The following KCNH1 variants were observed in gnomAD, a reference collection of about 807,000 sequenced individuals.
KCNH1 encodes the protein voltage-gated delayed rectifier potassium channel KCNH1.
Under a neutral mutation model 69.2 loss-of-function variants are expected in KCNH1, and 27 were observed. The observed-to-expected ratio is 0.39, with a 90% CI of 0.29 to 0.54. The LOEUF (loss-of-function observed/expected upper bound fraction) is 0.54. KCNH1 is among the 20% of genes least tolerant of loss of function. KCNH1 has a pLI of 0.68. For synonymous variants in KCNH1, 456 were observed against 487.7 expected (o/e 0.93, Z 0.86); for missense variants, 798 against 1,261.6 (o/e 0.63, Z 5.57).
At chr1:210,791,208 A>C (rs949296632) in intron 9 of KCNH1, among the ~76,000 whole-genome samples, 1 of 152,194 alleles carries the variant, frequency 6.6e-6, no homozygotes, top group African/African-American at 2.4e-5. Context: ...TCTCCCACTC[A>C]GTGCATCCCT....
intron 7 of KCNH1, among the ~76,000 whole-genome samples, chr1:210,906,541 A>G (rs1469598145): frequency 6.6e-6 from 1 of 152,244 alleles, no homozygotes; most frequent in African/African-American, 2.4e-5. Flanking sequence ...GCAGTATCCC[A>G]GAAAAACTGA....
At position 210,678,998 on chromosome 1, in the gene KCNH1, C is replaced by T. The variant is rs756516239; in HGVS notation, c.*4283G>A. ...ATATGCTTGCATGAGAATGAAGTTT[C>T]ACTTGAATTTAAGCTGCAGATAAAT... On this transcript the variant is annotated 3_prime_UTR_variant, in exon 11 of 11. Transcript: ENST00000271751. 3.9e-5 allele frequency: 6 copies of T among 152,226 alleles called. No individual in the cohort carries two copies. Among genetic ancestry groups the T allele is most frequent in the Non-Finnish European group, 8.8e-5 (6 of 68,038 alleles). The allele number at this position is 152,226 out of a possible 1,614,324, so 9.4% of individuals were successfully genotyped here.
At chr1:210,931,276 A>G (rs1232284054) in intron 6 of KCNH1, among the ~76,000 whole-genome samples, 14 of 152,234 alleles carry the variant, frequency 9.2e-5, no homozygotes, top group Admixed American at 9.2e-4. Context: ...AATGTGCGTC[A>G]ATCAACAAGT....
intron 7 of KCNH1, among the ~76,000 whole-genome samples, chr1:210,821,088 A>G (rs1684918804): frequency 6.6e-6 from 1 of 152,226 alleles, no homozygotes; most frequent in African/African-American, 2.4e-5. Context: ...TGGGTAATGA[A>G]AAATGATCTG....
At chr1:210,834,074 T>A (rs1685227060) in intron 7 of KCNH1, among the ~76,000 whole-genome samples, 2 of 152,140 alleles carry the variant, frequency 1.3e-5, no homozygotes, top group Non-Finnish European at 1.5e-5. Flanking sequence ...GGAACACTTT[T>A]ACACTGTTGG....
At chr1:211,058,592 CATACA>C (rs746661119) in intron 5 of KCNH1, among the ~76,000 whole-genome samples, 39 of 151,862 alleles carry the variant, frequency 2.6e-4, no homozygotes, top group Non-Finnish European at 4.9e-4. Flanking sequence ...AATCAAAAAA[CATACA>C]ATACATCCAC....
intron 10 of KCNH1, among the ~76,000 whole-genome samples, chr1:210,693,317 A>G (rs531938704): frequency 3.9e-5 from 6 of 152,318 alleles, no homozygotes; most frequent in Non-Finnish European, 7.4e-5. Context: ...AAGCATGGGT[A>G]CATCAGTGTT....
intron 5 of KCNH1, among the ~76,000 whole-genome samples, chr1:211,067,845 C>T (rs1690559644): frequency 6.6e-6 from 1 of 152,214 alleles, no homozygotes; most frequent in South Asian, 2.1e-4. Context: ...CCAGAGTCCA[C>T]CACTTACCAC....
chr1:210,737,774 C>T (rs894308221), intron 10 of KCNH1, among the ~76,000 whole-genome samples: 3 of 152,252 alleles, frequency 2.0e-5, no homozygotes, highest in African/African-American at 7.2e-5. Flanking sequence ...ACTGTTGTAG[C>T]ATCTGGCCAT....
intron 7 of KCNH1, among the ~76,000 whole-genome samples, chr1:210,879,456 A>C (rs1686448794): frequency 6.6e-6 from 1 of 152,076 alleles, no homozygotes; most frequent in African/African-American, 2.4e-5. Context: ...ACATTCAAAA[A>C]TTAATTAATT....
At chr1:210,977,333 T>C (rs1688632865) in intron 6 of KCNH1, among the ~76,000 whole-genome samples, 1 of 152,012 alleles carries the variant, frequency 6.6e-6, no homozygotes, top group Non-Finnish European at 1.5e-5. Context: ...TTAGGAGATA[T>C]ACCTAATGTA....
At chr1:210,778,618 C>A (rs1683910877) in intron 9 of KCNH1, among the ~76,000 whole-genome samples, 1 of 152,114 alleles carries the variant, frequency 6.6e-6, no homozygotes, top group South Asian at 2.1e-4. Context: ...TGGCATCCCC[C>A]ACTTCCTTCC....
intron 10 of KCNH1, among the ~76,000 whole-genome samples, chr1:210,737,469 C>T (rs1001466647): frequency 2.0e-5 from 3 of 152,194 alleles, no homozygotes; most frequent in African/African-American, 7.2e-5. Flanking sequence ...ACTCAGGATT[C>T]AGACTCTGAC....
intron 7 of KCNH1, among the ~76,000 whole-genome samples, chr1:210,902,628 A>G (rs998155575): frequency 1.3e-5 from 2 of 152,216 alleles, no homozygotes; most frequent in African/African-American, 2.4e-5. Flanking sequence ...CACTGCTAAA[A>G]TGCCATTATC....
chr1:210,709,005 C>T (rs564413228), intron 10 of KCNH1, among the ~76,000 whole-genome samples: 1 of 152,224 alleles, frequency 6.6e-6, no homozygotes, highest in Admixed American at 6.5e-5. Context: ...CATCCCAGCA[C>T]TCTGGGAGGC....
At chr1:211,011,355 A>G (rs1244929574) in intron 6 of KCNH1, among the ~76,000 whole-genome samples, 1 of 151,960 alleles carries the variant, frequency 6.6e-6, no homozygotes, top group Non-Finnish European at 1.5e-5. Context: ...TATGTGCCAC[A>G]TTTTCTTTAT....
intron 10 of KCNH1, among the ~76,000 whole-genome samples, chr1:210,770,380 T>C (rs1038951469): frequency 2.0e-5 from 3 of 152,096 alleles, no homozygotes; most frequent in Non-Finnish European, 2.9e-5. Flanking sequence ...ATAAACAAAA[T>C]GCCAAAAACC....
At chr1:210,847,851 G>A (rs554636050) in intron 7 of KCNH1, among the ~76,000 whole-genome samples, 6 of 152,058 alleles carry the variant, frequency 3.9e-5, no homozygotes, top group East Asian at 1.9e-4. Context: ...CATCTCCTTC[G>A]TGACCAAAAT....
rs147444746 is a variant in KCNH1, at chr1:210,979,137, C to G, written c.1032+39646G>C. On this transcript the variant is annotated intron_variant, in intron 6 of 10. Coordinates refer to ENST00000271751, the MANE Select transcript of KCNH1 (RefSeq NM_172362.3). ...TGTGGACATCACCAGCCACTTCAAT[C>G]AAGTCAATTCAGCAACACAGCTGCT... is the stretch of plus-strand genomic sequence containing the variant. 3.3e-5 allele frequency among the ~76,000 whole-genome samples: 5 copies of G among 152,262 alleles called. No individual in the cohort carries two copies. In the East Asian group the frequency reaches 9.7e-4, roughly 29 times the overall value.
Sources: gnomAD v4.1 joint callset for allele counts (sites outside exome capture counted in the v4.1 genomes callset) on GRCh38, gnomAD v4.1.1 for gene constraint, MANE v1.5 for transcripts, NCBI Gene and HGNC (gene_info 2026-07-23, HGNC 2026-07-21) for gene names.